Variants in PARD3B observed in about 807,000 individuals in gnomAD.
The protein encoded by PARD3B is par-3 family cell polarity regulator beta, also known as partitioning defective 3 homolog B.
In PARD3B, 103 loss-of-function variants were observed where a neutral mutation model predicts 130.2. That is an observed-to-expected ratio of 0.79 (90% CI 0.67 to 0.93). The LOEUF (loss-of-function observed/expected upper bound fraction) is 0.93, where lower values mean the gene tolerates loss of function less well. PARD3B is among the 40% of genes least tolerant of loss of function. PARD3B has a pLI of 0.00. For synonymous variants in PARD3B, 583 were observed against 553.2 expected (o/e 1.05, Z -0.76); for missense variants, 1,609 against 1,499.2 (o/e 1.07, Z -1.21).
chr2:205,374,782 A>G (rs1205865121), intron 18 of PARD3B, among the ~76,000 whole-genome samples: 1 of 152,148 alleles, frequency 6.6e-6, no homozygotes, highest in African/African-American at 2.4e-5. Flanking sequence ...AATAAAAAAG[A>G]TAGATTAAGA....
rs1449201858 is a variant in PARD3B, at chr2:204,883,451, A to ATTT, written c.223-81700_223-81699insTTT. 1.0e-3 allele frequency among the ~76,000 whole-genome samples: 110 copies of ATTT among 106,430 alleles called. 1 individual carries two copies. The East Asian group carries it at 0.016, about 15-fold the overall frequency. 69.8% of individuals were successfully genotyped at this position (106,430 alleles called of 152,430 possible). ...ATATATAAAATATATATATATATATATATATTTTTTTTTTTGAGACAGAGT... is the reference window on the plus strand; with the variant it reads ...ATATATAAAATATATATATATATATATTTTATATTTTTTTTTTTGAGACAGAGT... On this transcript the variant is annotated intron_variant, in intron 2 of 22. Transcript: ENST00000406610.
chr2:204,743,732 T>C (rs2040104740), intron 2 of PARD3B, among the ~76,000 whole-genome samples: 2 of 152,090 alleles, frequency 1.3e-5, no homozygotes, highest in African/African-American at 4.8e-5. Context: ...CTCTGACACA[T>C]AGTTACTCTC....
At chr2:205,057,512 T>C (rs1048126536) in intron 4 of PARD3B, among the ~76,000 whole-genome samples, 3 of 144,548 alleles carry the variant, frequency 2.1e-5, no homozygotes, top group Non-Finnish European at 4.5e-5. Flanking sequence ...CATATATGTG[T>C]ATGTGCATGT....
At chr2:204,992,755 G>C (rs1458961358) in intron 3 of PARD3B, among the ~76,000 whole-genome samples, 5 of 137,490 alleles carry the variant, frequency 3.6e-5, no homozygotes, top group Non-Finnish European at 6.2e-5. Context: ...TTATTTCCTT[G>C]AGCAGTGGTT....
intron 2 of PARD3B, among the ~76,000 whole-genome samples, chr2:204,805,344 C>T (rs1047478015): frequency 1.3e-5 from 2 of 152,030 alleles, no homozygotes; most frequent in African/African-American, 4.8e-5. Context: ...ACACATAGAA[C>T]CTACAAAGAT....
chr2:205,100,867 A>C (rs1044869851), intron 4 of PARD3B, among the ~76,000 whole-genome samples: 4 of 152,164 alleles, frequency 2.6e-5, no homozygotes, highest in Admixed American at 2.6e-4. Context: ...TAAATGTAAG[A>C]GCTAACACCG....
chr2:205,441,840 G>A (rs1178585276), intron 20 of PARD3B, among the ~76,000 whole-genome samples: 1 of 152,088 alleles, frequency 6.6e-6, no homozygotes, highest in East Asian at 1.9e-4. Context: ...TTACTGTCAG[G>A]CATCCAGGTT....
At chr2:205,203,937 G>A (rs1479640636) in intron 15 of PARD3B, among the ~76,000 whole-genome samples, 1 of 152,170 alleles carries the variant, frequency 6.6e-6, no homozygotes, top group Non-Finnish European at 1.5e-5. Flanking sequence ...CTTCAGAGTA[G>A]CATGATTTAT....
chr2:204,629,758 A>G (rs2034615798), intron 1 of PARD3B, among the ~76,000 whole-genome samples: 1 of 152,280 alleles, frequency 6.6e-6, no homozygotes, highest in East Asian at 1.9e-4. Flanking sequence ...AGTATGTTTC[A>G]TTGCCCCAGT....
intron 1 of PARD3B, among the ~76,000 whole-genome samples, chr2:204,650,512 A>G (rs1030672006): frequency 7.9e-5 from 12 of 152,186 alleles, no homozygotes; most frequent in Non-Finnish European, 1.5e-4. Context: ...GCCCATCAAT[A>G]ATAGACTGGA....
chr2:205,312,592 C>G (rs915438668), intron 18 of PARD3B, among the ~76,000 whole-genome samples: 3 of 152,176 alleles, frequency 2.0e-5, no homozygotes, highest in Non-Finnish European at 4.4e-5. Context: ...GAAAAGAAAT[C>G]GATGCTAAAC....
At chr2:205,373,178 G>A (rs554171928) in intron 18 of PARD3B, among the ~76,000 whole-genome samples, 15 of 152,228 alleles carry the variant, frequency 9.9e-5, no homozygotes, top group South Asian at 6.2e-4. Context: ...TGCAGGACCT[G>A]GATGTTTTTC....
At chr2:204,765,561 T>C (rs2041108192) in intron 2 of PARD3B, among the ~76,000 whole-genome samples, 1 of 152,258 alleles carries the variant, frequency 6.6e-6, no homozygotes, top group Non-Finnish European at 1.5e-5. Flanking sequence ...GAGGCATTAA[T>C]AATTTCAAAA....
intron 5 of PARD3B, 87 bp downstream of exon 5, chr2:205,104,601 A>T: frequency 1.1e-6 from 1 of 930,236 alleles, no homozygotes; most frequent in Non-Finnish European, 1.7e-6. Context: ...ACTTTACAAG[A>T]AAGATCAGGA....
At chr2:204,833,754 G>A (rs1296064506) in intron 2 of PARD3B, among the ~76,000 whole-genome samples, 1 of 152,074 alleles carries the variant, frequency 6.6e-6, no homozygotes, top group African/African-American at 2.4e-5. Flanking sequence ...GAGTCCATTA[G>A]ATCTCTTTTT....
At position 204,907,556 on chromosome 2, in the gene PARD3B, T is replaced by A. The variant is rs2047081390; in HGVS notation, c.223-57596T>A. Among the ~76,000 whole-genome samples, 1 of 152,130 alleles carries A rather than the reference T, an allele frequency of 6.6e-6. No individual in the cohort carries two copies. Among genetic ancestry groups the A allele is most frequent in the African/African-American group, 2.4e-5 (1 of 41,424 alleles). ...CTCTGGGTGGTAATGCAAGGCACATTGGGGGCTCAGCCAAAGCCTTAGTTT... is the reference window on the plus strand; with the variant it reads ...CTCTGGGTGGTAATGCAAGGCACATAGGGGGCTCAGCCAAAGCCTTAGTTT... On this transcript the variant is annotated intron_variant, in intron 2 of 22. Coordinates refer to ENST00000406610, the MANE Select transcript of PARD3B (RefSeq NM_001302769.2). This position sits in a 1 kb window ranked among gnomAD's most constrained non-coding sequence, Gnocchi z 5.7.
chr2:205,578,694 A>G (rs575351663), intron 22 of PARD3B, among the ~76,000 whole-genome samples: 1 of 152,244 alleles, frequency 6.6e-6, no homozygotes, highest in East Asian at 1.9e-4. Flanking sequence ...ACCATGATAT[A>G]TCCAGATTTT....
At chr2:205,270,593 A>C (rs2040686340) in intron 16 of PARD3B, among the ~76,000 whole-genome samples, 1 of 151,974 alleles carries the variant, frequency 6.6e-6, no homozygotes, top group African/African-American at 2.4e-5. Context: ...GAAAGAAAGA[A>C]AGAAAGAACA....
intron 4 of PARD3B, among the ~76,000 whole-genome samples, chr2:205,060,096 T>C (rs928482077): frequency 6.6e-6 from 1 of 152,070 alleles, no homozygotes; most frequent in East Asian, 1.9e-4. Flanking sequence ...TATAGACTCT[T>C]CATTCTACCC....
Sources: gnomAD v4.1 joint callset for allele counts (sites outside exome capture counted in the v4.1 genomes callset) on GRCh38, gnomAD v4.1.1 for gene constraint, Gnocchi (gnomAD v3.1) non-coding constraint, MANE v1.5 for transcripts, NCBI Gene and HGNC (gene_info 2026-07-23, HGNC 2026-07-21) for gene names.